Variants in NR3C2 observed in about 807,000 individuals in gnomAD.
NR3C2 encodes mineralocorticoid receptor.
In NR3C2, 15 loss-of-function variants were observed where a neutral mutation model predicts 86.4. The ratio of observed to expected loss-of-function variants is 0.17; its 90% CI spans 0.12 to 0.27. NR3C2 has a LOEUF of 0.27. Ranked by LOEUF, NR3C2 falls within the 10% of genes least tolerant of loss-of-function variation. The pLI, the probability that NR3C2 is intolerant of heterozygous loss-of-function variation, is 1.00. For synonymous variants in NR3C2, 458 were observed against 450.5 expected, an observed-to-expected ratio of 1.02 and a Z score of -0.21; for missense variants, 960 against 1,195.6, an observed-to-expected ratio of 0.80 and a Z score of 2.91.
intron 3 of NR3C2, among the ~76,000 whole-genome samples, chr4:148,225,557 A>G (rs1738109490): frequency 6.6e-6 from 1 of 152,134 alleles, no homozygotes; most frequent in Admixed American, 6.5e-5. Context: ...ATTCATTTAG[A>G]AAATATTTAT....
At position 148,340,676 on chromosome 4, in the gene NR3C2, A is replaced by G. The variant is rs556506398; in HGVS notation, c.1758-80559T>C. Reference sequence around the variant, plus strand: ...AAAAAGCTTCTGCACTGCAAAAGAAACAACAAAGAGATAACCCACATAAAG... The same window carrying G: ...AAAAAGCTTCTGCACTGCAAAAGAAGCAACAAAGAGATAACCCACATAAAG... On this transcript the variant is annotated intron_variant, in intron 2 of 8. Coordinates refer to ENST00000358102, the MANE Select transcript of NR3C2 (RefSeq NM_000901.5). Among the ~76,000 whole-genome samples the G allele has an allele frequency of 7.9e-5, 12 of 152,306 alleles. No individual in the cohort carries two copies. The South Asian group carries it at 2.5e-3, about 32-fold the overall frequency.
chr4:148,098,090 T>G (rs939083671), intron 8 of NR3C2, among the ~76,000 whole-genome samples: 2 of 152,088 alleles, frequency 1.3e-5, no homozygotes, highest in Non-Finnish European at 2.9e-5. Flanking sequence ...TTTCCTCCCA[T>G]CTCCTCTTTT....
chr4:148,235,097 A>G (rs891269740), intron 3 of NR3C2, among the ~76,000 whole-genome samples: 2 of 152,078 alleles, frequency 1.3e-5, no homozygotes, highest in African/African-American at 4.8e-5. Context: ...ATTAGAAACT[A>G]TTTAGGACAT....
At chr4:148,305,499 T>G (rs190986410) in intron 2 of NR3C2, among the ~76,000 whole-genome samples, 1 of 142,316 alleles carries the variant, frequency 7.0e-6, no homozygotes, top group African/African-American at 2.7e-5. Flanking sequence ...GCAGAACTAA[T>G]AGAGTCCACC....
chr4:148,239,216 C>T (rs962401125), intron 3 of NR3C2, among the ~76,000 whole-genome samples: 1 of 152,168 alleles, frequency 6.6e-6, no homozygotes, highest in African/African-American at 2.4e-5. Context: ...TGATACCTGT[C>T]CCCTAGCATC....
intron 1 of NR3C2, among the ~76,000 whole-genome samples, chr4:148,439,916 ACAT>A (rs896352196): frequency 6.6e-6 from 1 of 152,214 alleles, no homozygotes; most frequent in Admixed American, 6.5e-5. Context: ...TTACCAGCTA[ACAT>A]CATACAGCTG....
chr4:148,358,482 GA>G (rs1216483289), intron 2 of NR3C2, among the ~76,000 whole-genome samples: 1 of 117,242 alleles, frequency 8.5e-6, no homozygotes, highest in African/African-American at 3.1e-5. Flanking sequence ...GGGGTGGGGG[GA>G]GGGGGGAGGG....
chr4:148,433,698 A>T (rs1749905155), intron 2 of NR3C2, among the ~76,000 whole-genome samples: 1 of 152,220 alleles, frequency 6.6e-6, no homozygotes, highest in African/African-American at 2.4e-5. Context: ...GCTGTTAACT[A>T]CCAGGCTATA....
upstream of NR3C2, chr4:148,442,539 C>A: frequency 1.9e-6 from 1 of 540,170 alleles, no homozygotes; most frequent in Non-Finnish European, 2.4e-6. Flanking sequence ...GTCACATGTC[C>A]AGATAAAGTT....
intron 2 of NR3C2, among the ~76,000 whole-genome samples, chr4:148,366,655 C>T (rs10434100): frequency 0.12 from 17,823 of 151,928 alleles, 1,110 homozygotes; most frequent in Middle Eastern, 0.16. Flanking sequence ...TCCTTGCATA[C>T]GAAGCAAAAA....
intron 2 of NR3C2, among the ~76,000 whole-genome samples, chr4:148,377,134 G>C (rs1746719048): frequency 6.6e-6 from 1 of 152,132 alleles, no homozygotes; most frequent in Non-Finnish European, 1.5e-5. Flanking sequence ...CAAAAGAAAG[G>C]TAAATACATA....
intron 2 of NR3C2, among the ~76,000 whole-genome samples, chr4:148,344,017 T>C (rs1744874617): frequency 6.6e-6 from 1 of 152,146 alleles, no homozygotes; most frequent in African/African-American, 2.4e-5. Context: ...AATTGCTAAA[T>C]GGCAACTACC....
At chr4:148,196,004 G>A (rs966142127) in intron 3 of NR3C2, among the ~76,000 whole-genome samples, 15 of 152,196 alleles carry the variant, frequency 9.9e-5, no homozygotes, top group African/African-American at 3.1e-4. Flanking sequence ...TCTGGCTGCT[G>A]TGTTGAAACT....
intron 6 of NR3C2, among the ~76,000 whole-genome samples, chr4:148,151,620 A>C (rs1054637237): frequency 2.0e-5 from 3 of 152,194 alleles, no homozygotes; most frequent in Non-Finnish European, 2.9e-5. Context: ...CTATCTGTCT[A>C]TACTTTTCAT....
Position 148,336,011 on chromosome 4 carries a change from C to A in NR3C2, c.1758-75894G>T, listed in dbSNP as rs190349705. Among the ~76,000 whole-genome samples, 261 of 152,206 alleles carry A rather than the reference C, an allele frequency of 1.7e-3. 1 individual carries two copies. The highest frequency in any genetic ancestry group is 5.8e-3 in the African/African-American group (242 of 41,524). Reference sequence around the variant, plus strand: ...GAAGTTATTGATTTTTGTTTTGTGACCTTCCTCTAATTCCTTTTCTCCCCA... The same window carrying A: ...GAAGTTATTGATTTTTGTTTTGTGAACTTCCTCTAATTCCTTTTCTCCCCA... On this transcript the variant is annotated intron_variant, in intron 2 of 8. Coordinates refer to ENST00000358102, the MANE Select transcript of NR3C2 (RefSeq NM_000901.5).
At chr4:148,424,896 T>C (rs1196047974) in intron 2 of NR3C2, among the ~76,000 whole-genome samples, 1 of 152,192 alleles carries the variant, frequency 6.6e-6, no homozygotes, top group Non-Finnish European at 1.5e-5. Context: ...AAAGAGTGAA[T>C]TTTATAGTAA....
intron 8 of NR3C2, among the ~76,000 whole-genome samples, chr4:148,110,389 A>C (rs1731997758): frequency 6.6e-6 from 1 of 152,204 alleles, no homozygotes; most frequent in Non-Finnish European, 1.5e-5. Context: ...CTACAGTCAA[A>C]GGTTCTTATG....
At chr4:148,440,517 A>G (rs1239322468) in intron 1 of NR3C2, among the ~76,000 whole-genome samples, 1 of 152,270 alleles carries the variant, frequency 6.6e-6, no homozygotes, top group Non-Finnish European at 1.5e-5. Context: ...CTAACTAACA[A>G]AAATCAGGCT....
chr4:148,396,302 C>T (rs762327516), intron 2 of NR3C2, among the ~76,000 whole-genome samples: 5 of 152,084 alleles, frequency 3.3e-5, no homozygotes, highest in African/African-American at 7.2e-5. Flanking sequence ...TTAGTACTTA[C>T]GAGTAATAAA....
Sources: gnomAD v4.1 joint callset for allele counts (sites outside exome capture counted in the v4.1 genomes callset) on GRCh38, gnomAD v4.1.1 for gene constraint, MANE v1.5 for transcripts, NCBI Gene and HGNC (gene_info 2026-07-23, HGNC 2026-07-21) for gene names.